The following TONSL variants were observed in gnomAD, a reference collection of about 807,000 sequenced individuals.
TONSL encodes the protein tonsoku-like protein.
In TONSL, 112 loss-of-function variants were observed where a neutral mutation model predicts 147.1. That is an observed-to-expected ratio of 0.76 (90% CI 0.65 to 0.89). TONSL has a LOEUF of 0.89. Ranked by LOEUF, TONSL falls within the 40% of genes least tolerant of loss-of-function variation. TONSL has a pLI of 0.00. For missense variants in TONSL, 1,883 were observed against 1,864.6 expected (o/e 1.01, Z -0.18); for synonymous variants, 868 against 801.5 (o/e 1.08, Z -1.40).
At chr8:144,442,004 C>G in intron 7 of TONSL, 33 bp downstream of exon 7, 1 of 1,595,078 alleles carries the variant, frequency 6.3e-7, no homozygotes, top group Non-Finnish European at 8.6e-7. Context: ...CTGCACACAC[C>G]TCCCAGGGCC....
chr8:144,443,742 G>A lies in TONSL; in HGVS notation c.264+140C>T, dbSNP rs976473719. ...GGGGTCCCCACCGGAGGACTGGCCC[G>A]GGGCGGTGAAGGCAAGGCTGCGTCA... On this transcript the variant is annotated intron_variant, in intron 3 of 25. Transcript: ENST00000409379. 4 of 1,221,282 alleles carry A rather than the reference G, an allele frequency of 3.3e-6. No homozygotes were observed. The South Asian group carries it at 4.4e-5, about 13-fold the overall frequency. The allele number at this position is 1,221,282 out of a possible 1,614,324, so 75.7% of individuals were successfully genotyped here.
rs781295936 is a variant in TONSL at position 144,434,917 on chromosome 8, G to A, written c.3007-28C>T. Reference sequence around the variant, plus strand: ...GGAAGGCACCGTCATGAGCCACCTGGGGGCTCCCCCGGCTCACCTCATCAT... The same window carrying A: ...GGAAGGCACCGTCATGAGCCACCTGAGGGCTCCCCCGGCTCACCTCATCAT... On this transcript the variant is annotated intron_variant, in intron 19 of 25. Transcript: ENST00000409379. The A allele has an allele frequency of 8.1e-6, 13 of 1,612,742 alleles. No individual in the cohort carries two copies. The Admixed American group carries it at 1.8e-4, about 23-fold the overall frequency.
rs1823387080 is a variant in TONSL, at chr8:144,435,141, G to C, written c.2882C>G (p.Ala961Gly). Reference sequence around the variant, plus strand: ...GTAGTAGCGCTGGGCCGCCTGCTCGGCCAGCCAGGCCACAGAGTGGGTGTC... The same window carrying C: ...GTAGTAGCGCTGGGCCGCCTGCTCGCCCAGCCAGGCCACAGAGTGGGTGTC... Reference protein sequence around the residue: ...SSDTHSVAWLAEQAAQRYYQT... With the variant: ...SSDTHSVAWLGEQAAQRYYQT... Residue 961 changes from alanine (A) to glycine (G), a missense_variant, in exon 19 of 26, where the codon GCC (alanine) becomes GGC (glycine). Coordinates refer to ENST00000409379, the MANE Select transcript of TONSL (RefSeq NM_013432.5). 1 of 1,567,346 alleles carries C rather than the reference G, an allele frequency of 6.4e-7. No individual in the cohort carries two copies. Among genetic ancestry groups the C allele is most frequent in the East Asian group, 2.3e-5 (1 of 43,164 alleles).
intron 13 of TONSL, among the ~76,000 whole-genome samples, chr8:144,437,519 C>T (rs1823518245): frequency 6.6e-6 from 1 of 152,060 alleles, no homozygotes; most frequent in Non-Finnish European, 1.5e-5. Context: ...GTCTCAAGCT[C>T]CTGACCTCGT....
chr8:144,442,529 T>G, intron 5 of TONSL, 117 bp from the exon 6 acceptor site: 1 of 1,479,514 alleles, frequency 6.8e-7, no homozygotes, highest in East Asian at 2.3e-5. Context: ...CCTGGCCTTC[T>G]CCCAGTGTGT....
rs1823443722 is a variant in TONSL, at chr8:144,436,101, T to C, written c.2332A>G (p.Ser778Gly). The C allele has an allele frequency of 1.3e-6, 2 of 1,560,246 alleles. No individual in the cohort carries two copies. The highest frequency in any genetic ancestry group is 1.7e-6 in the Non-Finnish European group (2 of 1,159,808). ...CTGGCTGTGGCTGCTTCCCTGTTGC[T>C]GGCGGGGCCAGGCGTCCAGGCTGCC... is the stretch of plus-strand genomic sequence containing the variant. The part of the protein sequence containing the change: ...RVAAWTPGPA[S>G]NREAATASTS... Residue 778 changes from serine (S) to glycine (G), a missense_variant, in exon 17 of 26, where the codon AGC becomes GGC. By Grantham distance (56) the Ser-to-Gly change is moderately conservative. Coordinates refer to ENST00000409379, the MANE Select transcript of TONSL (RefSeq NM_013432.5).
chr8:144,432,561 T>A, intron 22 of TONSL, 101 bp from the exon 23 acceptor site: 1 of 1,215,846 alleles, frequency 8.2e-7, no homozygotes, highest in Non-Finnish European at 1.1e-6. Context: ...GGGAAACCAC[T>A]ACCGCAGTGC....
At position 144,436,388 on chromosome 8, in the gene TONSL, G is replaced by A; in HGVS notation, c.2045C>T (p.Pro682Leu). 1 of 1,505,732 alleles carries A rather than the reference G, an allele frequency of 6.6e-7. No homozygotes were observed. The highest frequency in any genetic ancestry group is 8.8e-7 in the Non-Finnish European group (1 of 1,134,060). 93.3% of individuals were successfully genotyped at this position (1,505,732 alleles called of 1,614,324 possible). Reference sequence around the variant, plus strand: ...CTCGGGGTCAAACAGAAGGCTGCTTGGGGTGTGGAAGGCCTGGGAGCTGTG... The same window carrying A: ...CTCGGGGTCAAACAGAAGGCTGCTTAGGGTGTGGAAGGCCTGGGAGCTGTG... ...DPHSSQAFHTPSSLLFDPETS... is the reference protein window; with the variant it reads ...DPHSSQAFHTLSSLLFDPETS... The change falls in exon 17 of 26, where the codon CCA (proline) becomes CTA (leucine). Residue 682 changes from proline (P) to leucine (L), a missense_variant. By Grantham distance (98) the Pro-to-Leu change is moderately conservative (BLOSUM62 -3). Coordinates refer to ENST00000409379, the MANE Select transcript of TONSL (RefSeq NM_013432.5).
intron 4 of TONSL, 120 bp downstream of exon 4, chr8:144,443,018 G>C: frequency 7.6e-7 from 1 of 1,311,932 alleles, no homozygotes; most frequent in Non-Finnish European, 1.0e-6. Flanking sequence ...CCTCACACAA[G>C]AGCCTTGCAA....
At position 144,428,920 on chromosome 8, in the gene TONSL, G is replaced by A; in HGVS notation, c.*223C>T. ...TTCTCCTGCCTCAGCCTCCGGAGTA[G>A]CTGGGACTACAGGCTTCCACCACCA... On this transcript the variant is annotated 3_prime_UTR_variant, in exon 26 of 26. Coordinates refer to ENST00000409379, the MANE Select transcript of TONSL (RefSeq NM_013432.5). 4.3e-6 allele frequency: 2 copies of A among 460,206 alleles called. No homozygotes were observed. The highest frequency in any genetic ancestry group is 7.5e-6 in the Non-Finnish European group (2 of 265,186). 28.5% of individuals were successfully genotyped at this position (460,206 alleles called of 1,614,324 possible).
rs2129651552 is a variant in TONSL, at chr8:144,437,091, G to C, written c.1662C>G (p.Pro554=). The part of the protein sequence containing the change: ...RVQDLVRQGH[P]LNPRDYCGWT... ...AGCCACAGTAGTCCCGAGGGTTAAG[G>C]GGGTGGCCCTGTGACCAAGGACAGG... The change falls in exon 14 of 26, where the codon CCC becomes CCG. Residue 554 remains proline, a synonymous_variant. Transcript: ENST00000409379. 6.2e-7 allele frequency: 1 copy of C among 1,612,982 alleles called. No individual in the cohort carries two copies.
At chr8:144,444,347 C>A in intron 1 of TONSL, 43 bp downstream of exon 1, 2 of 1,293,532 alleles carry the variant, frequency 1.5e-6, no homozygotes, top group Non-Finnish European at 2.0e-6. Flanking sequence ...AAGCCCTCCC[C>A]AGCCTCCGCG....
In TONSL at chr8:144,436,574, C is replaced by T. The variant is rs367740000; in HGVS notation, c.1998G>A (p.Ala666=). 2.4e-5 allele frequency: 38 copies of T among 1,610,634 alleles called. No individual in the cohort carries two copies. Among genetic ancestry groups the T allele is most frequent in the South Asian group, 5.5e-5 (5 of 91,066 alleles). Residue 666 remains alanine, a synonymous_variant, in exon 16 of 26, where the codon GCG becomes GCA. Coordinates refer to ENST00000409379, the MANE Select transcript of TONSL (RefSeq NM_013432.5). ...CCTGCTTGCCTTGGCCCGAGGCAGCCGCCTGGAGCAGCATCTCCATGGCCC... is the reference window on the plus strand; with the variant it reads ...CCTGCTTGCCTTGGCCCGAGGCAGCTGCCTGGAGCAGCATCTCCATGGCCC... ...KARAMEMLLQ[A]AASGQDPHSS... is the part of the protein sequence containing the mutation.
intron 11 of TONSL, among the ~76,000 whole-genome samples, chr8:144,439,068 GC>G (rs968325592): frequency 6.6e-5 from 10 of 151,814 alleles, no homozygotes; most frequent in African/African-American, 2.4e-4. Flanking sequence ...TCATCCCCAC[GC>G]CCAGACCGGC....
Position 144,430,585 on chromosome 8 carries a change from G to A in TONSL, c.3810-48C>T, listed in dbSNP as rs141287812. On this transcript the variant is annotated intron_variant, in intron 24 of 25. Coordinates refer to ENST00000409379, the MANE Select transcript of TONSL (RefSeq NM_013432.5). Reference sequence around the variant, plus strand: ...GCAAAGGTTGGCTTCCAGAGAGGCTGTGCCCCAACACTAGGAAAGCTGCCC... The same window carrying A: ...GCAAAGGTTGGCTTCCAGAGAGGCTATGCCCCAACACTAGGAAAGCTGCCC... The A allele has an allele frequency of 1.5e-4, 227 of 1,564,096 alleles. 4 individuals are homozygous for A. In the East Asian group the frequency reaches 5.1e-3, roughly 35 times the overall value.
rs1250582439 is a variant in TONSL, at chr8:144,442,039, T to C, written c.863A>G (p.His288Arg). 1 of 1,612,380 alleles carries C rather than the reference T, an allele frequency of 6.2e-7. No homozygotes were observed. Among genetic ancestry groups the C allele is most frequent in the East Asian group, 2.2e-5 (1 of 44,870 alleles). ...CCCATTCGCACCCCCAGGCTCACCA[T>C]GCTGGAGGTTCTGACAGATGGCTGC... ...QRAAICQNLQ[H>R]VLAVVRLQQQ... Residue 288 changes from histidine (H) to arginine (R), a missense_variant and splice_region_variant, in exon 7 of 26, where the codon CAT (histidine) becomes CGT (arginine). His to Arg is a conservative substitution (Grantham distance 29). Transcript: ENST00000409379.
Position 144,434,108 on chromosome 8 carries a change from C to A in TONSL, c.3257G>T (p.Cys1086Phe), listed in dbSNP as rs1823334246. 6.2e-7 allele frequency: 1 copy of A among 1,612,262 alleles called. No homozygotes were observed. Among genetic ancestry groups the A allele is most frequent in the Non-Finnish European group, 8.5e-7 (1 of 1,179,626 alleles). ...CAGGGCAGCCACCAGCTCAGCCACA[C>A]ACTTGTCCCCCAGCCGGTTCCCTGC... ...RLAGNRLGDK[C>F]VAELVAALGT... The change falls in exon 21 of 26, where the codon TGT (cysteine) becomes TTT (phenylalanine). Residue 1086 changes from cysteine to phenylalanine, a missense_variant. Physicochemically the swap from Cys to Phe is radical, Grantham distance 205 (BLOSUM62 -2). Transcript: ENST00000409379.
At position 144,440,489 on chromosome 8, in the gene TONSL, G is replaced by A. The variant is rs1823668576; in HGVS notation, c.1165-13C>T. On this transcript the variant is annotated splice_polypyrimidine_tract_variant and intron_variant, in intron 9 of 25. Coordinates refer to ENST00000409379, the MANE Select transcript of TONSL (RefSeq NM_013432.5). Reference sequence around the variant, plus strand: ...AGGTCTTGGCCTCCTGGAGCAGGAGGAAGGACAGGGTCGGGGGCTGCCGCT... The same window carrying A: ...AGGTCTTGGCCTCCTGGAGCAGGAGAAAGGACAGGGTCGGGGGCTGCCGCT... The A allele has an allele frequency of 1.8e-5, 28 of 1,587,032 alleles. No homozygotes were observed. The highest frequency in any genetic ancestry group is 2.3e-5 in the Non-Finnish European group (27 of 1,163,072).
At chr8:144,437,583 C>T (rs145621837) in intron 13 of TONSL, 248 of 156,400 alleles carry the variant, frequency 1.6e-3, no homozygotes, top group Non-Finnish European at 3.0e-3. Flanking sequence ...TGAACCACCG[C>T]GCCCAGCCTG....
Sources: allele counts gnomAD v4.1 joint callset (sites outside exome capture counted in the v4.1 genomes callset), GRCh38; gene constraint gnomAD v4.1.1; transcripts MANE v1.5; gene names NCBI Gene and HGNC (gene_info 2026-07-23, HGNC 2026-07-21).